Variants in PDE11A observed in about 807,000 individuals in gnomAD.
PDE11A encodes phosphodiesterase 11A, also known as dual 3',5'-cyclic-AMP and -GMP phosphodiesterase 11A.
In PDE11A, 100 loss-of-function variants were observed where a neutral mutation model predicts 100.5. The observed-to-expected ratio is 1.00, with a 90% CI of 0.85 to 1.18. PDE11A has a LOEUF of 1.18. PDE11A is among the 50% of genes most tolerant of loss of function. The pLI is 0.00. For synonymous variants in PDE11A, 381 were observed against 420.8 expected (o/e 0.91, Z 1.16); for missense variants, 1,141 against 1,152.6 (o/e 0.99, Z 0.15).
intron 1 of PDE11A, chr2:178,038,752 T>A (rs2086647522): frequency 6.6e-6 from 1 of 152,128 alleles, no homozygotes; most frequent in Non-Finnish European, 1.5e-5. Context: ...TGTCCATAGA[T>A]CAGGTGGCCA....
chr2:178,055,306 T>C (rs1217549429), intron 1 of PDE11A, among the ~76,000 whole-genome samples: 1 of 145,070 alleles, frequency 6.9e-6, no homozygotes, highest in African/African-American at 2.6e-5. Context: ...ATGAGAACAC[T>C]TGGACACAGG....
intron 4 of PDE11A, among the ~76,000 whole-genome samples, chr2:177,884,350 G>A (rs958965208): frequency 1.3e-5 from 2 of 152,096 alleles, no homozygotes; most frequent in South Asian, 2.1e-4. Context: ...TTGTCTATAC[G>A]TTTCTGTGAA....
intron 2 of PDE11A, among the ~76,000 whole-genome samples, chr2:177,956,575 A>C (rs1418934295): frequency 1.3e-5 from 2 of 152,254 alleles, no homozygotes; most frequent in African/African-American, 4.8e-5. Flanking sequence ...TACCCAAAGG[A>C]TTATAAATCA....
At chr2:177,811,325 T>G (rs1456883597) in intron 9 of PDE11A, among the ~76,000 whole-genome samples, 2 of 151,980 alleles carry the variant, frequency 1.3e-5, no homozygotes, top group African/African-American at 4.8e-5. Context: ...AGTAAATGCC[T>G]CTCTTTGTTC....
rs189753277 is a variant in PDE11A at position 177,924,026 on chromosome 2, C to T, written c.1072-18839G>A. On this transcript the variant is annotated intron_variant, in intron 2 of 19. Coordinates refer to ENST00000286063, the MANE Select transcript of PDE11A (RefSeq NM_016953.4). Reference sequence around the variant, plus strand: ...GACATATATTCACCAGGTCAAGAAACCCAGATATCTGCTTTACTCTAAAGT... The same window carrying T: ...GACATATATTCACCAGGTCAAGAAATCCAGATATCTGCTTTACTCTAAAGT... Among the ~76,000 whole-genome samples the T allele has an allele frequency of 1.6e-3, 250 of 152,244 alleles. 2 individuals are homozygous for T. The highest frequency in any genetic ancestry group is 5.6e-3 in the African/African-American group (234 of 41,542).
chr2:177,753,312 A>C (rs1338025027), intron 10 of PDE11A, among the ~76,000 whole-genome samples: 1 of 152,028 alleles, frequency 6.6e-6, no homozygotes, highest in African/African-American at 2.4e-5. Flanking sequence ...AGCATTCCCT[A>C]GTTGCTTTGA....
At chr2:177,987,688 T>C (rs561468707) in intron 2 of PDE11A, among the ~76,000 whole-genome samples, 142 of 151,566 alleles carry the variant, frequency 9.4e-4, no homozygotes, top group African/African-American at 3.0e-3. Flanking sequence ...TGCATGACTA[T>C]TGCATTAAAA....
At chr2:177,698,603 C>T (rs941705658) in intron 14 of PDE11A, 1 of 151,984 alleles carries the variant, frequency 6.6e-6, no homozygotes, top group Admixed American at 6.6e-5. Flanking sequence ...ACTAGGATAT[C>T]AACTAGCAAA....
chr2:177,736,300 T>G (rs945865680), intron 10 of PDE11A, among the ~76,000 whole-genome samples: 3 of 151,824 alleles, frequency 2.0e-5, no homozygotes, highest in Non-Finnish European at 4.4e-5. Context: ...TCAACAGAGG[T>G]CAGGAGTTCG....
intron 1 of PDE11A, among the ~76,000 whole-genome samples, chr2:178,054,778 C>A (rs1401652774): frequency 2.0e-5 from 3 of 152,148 alleles, no homozygotes; most frequent in African/African-American, 7.2e-5. Flanking sequence ...CAGAGAAATG[C>A]AAATCAAAAC....
chr2:177,624,418 T>C lies in PDE11A; in HGVS notation c.*4989A>G, dbSNP rs191013544. Reference sequence around the variant, plus strand: ...AATTTCTAAGAGTCAGCAGGAAAAATAGATTTTAAAATAATTTTACTGCAG... The same window carrying C: ...AATTTCTAAGAGTCAGCAGGAAAAACAGATTTTAAAATAATTTTACTGCAG... On this transcript the variant is annotated 3_prime_UTR_variant, in exon 20 of 20. Coordinates refer to ENST00000286063, the MANE Select transcript of PDE11A (RefSeq NM_016953.4). 4.6e-5 allele frequency: 7 copies of C among 152,222 alleles called. No individual in the cohort carries two copies. The highest frequency in any genetic ancestry group is 5.9e-5 in the Non-Finnish European group (4 of 68,002). 9.4% of individuals were successfully genotyped at this position (152,222 alleles called of 1,614,324 possible).
chr2:177,675,425 T>C (rs573931778), intron 17 of PDE11A, 30 bp downstream of exon 17: 3 of 1,561,046 alleles, frequency 1.9e-6, no homozygotes, highest in Admixed American at 3.3e-5. Flanking sequence ...GTCCCTCCTC[T>C]GCTGAGCCCT....
chr2:177,990,737 C>CA (rs71010847), intron 2 of PDE11A, among the ~76,000 whole-genome samples: 8,992 of 74,256 alleles, frequency 0.12, 383 homozygotes, highest in South Asian at 0.16. Flanking sequence ...GACTCTGTCT[C>CA]AAAAAAAAAA....
At chr2:177,718,142 G>C (rs532255017) in intron 12 of PDE11A, among the ~76,000 whole-genome samples, 1 of 152,236 alleles carries the variant, frequency 6.6e-6, no homozygotes, top group Non-Finnish European at 1.5e-5. Context: ...ATAGTGCTTA[G>C]TATATGCCGG....
At chr2:178,003,040 A>G (rs917532812) in intron 2 of PDE11A, among the ~76,000 whole-genome samples, 2 of 152,192 alleles carry the variant, frequency 1.3e-5, no homozygotes, top group African/African-American at 2.4e-5. Flanking sequence ...AATTAAAAAG[A>G]TAGTAAGAAG....
intron 2 of PDE11A, among the ~76,000 whole-genome samples, chr2:177,985,379 C>A (rs1177984393): frequency 6.6e-6 from 1 of 152,166 alleles, no homozygotes; most frequent in Non-Finnish European, 1.5e-5. Context: ...AGGATTGACA[C>A]AATTTACCTC....
chr2:178,019,221 G>A (rs1479809272), intron 1 of PDE11A, among the ~76,000 whole-genome samples: 1 of 152,184 alleles, frequency 6.6e-6, no homozygotes. Flanking sequence ...AGAAAAAGCT[G>A]ATATCTCACA....
chr2:177,955,767 C>G (rs539726316), intron 2 of PDE11A, among the ~76,000 whole-genome samples: 1 of 152,306 alleles, frequency 6.6e-6, no homozygotes, highest in African/African-American at 2.4e-5. Flanking sequence ...ATATCTACAA[C>G]TATCTGATCT....
intron 10 of PDE11A, among the ~76,000 whole-genome samples, chr2:177,745,857 C>T (rs2081940496): frequency 6.6e-6 from 1 of 152,194 alleles, no homozygotes. Context: ...GGGATGGTAT[C>T]AGCCATGGCT....
Sources: allele counts gnomAD v4.1 joint callset (sites outside exome capture counted in the v4.1 genomes callset), GRCh38; gene constraint gnomAD v4.1.1; transcripts MANE v1.5; gene names NCBI Gene and HGNC (gene_info 2026-07-23, HGNC 2026-07-21).